Variants in DAAM1 observed in about 807,000 individuals in gnomAD.
DAAM1 encodes disheveled-associated activator of morphogenesis 1.
DAAM1 carries 52 observed loss-of-function variants against 130.0 expected under a neutral mutation model. That is an observed-to-expected ratio of 0.40 (90% CI 0.32 to 0.50). The LOEUF (loss-of-function observed/expected upper bound fraction) is 0.50, where lower values mean the gene tolerates loss of function less well. Among genes scored for constraint, DAAM1 ranks in the 20% least tolerant of loss-of-function variants. The pLI, the probability that DAAM1 is intolerant of heterozygous loss-of-function variation, is 0.61. For synonymous variants in DAAM1, 452 were observed against 444.5 expected, an observed-to-expected ratio of 1.02 and a Z score of -0.21; for missense variants, 1,134 against 1,303.8, an observed-to-expected ratio of 0.87 and a Z score of 2.01.
At chr14:59,205,079 A>G (rs1888220744) in intron 1 of DAAM1, among the ~76,000 whole-genome samples, 1 of 152,352 alleles carries the variant, frequency 6.6e-6, no homozygotes, top group South Asian at 2.1e-4. Context: ...AGAGAAACTA[A>G]TACAACTAGT....
Position 59,233,401 on chromosome 14 carries a change from T to A in DAAM1, c.-37-30040T>A, listed in dbSNP as rs773142212. Among the ~76,000 whole-genome samples, 2 of 151,180 alleles carry A rather than the reference T, an allele frequency of 1.3e-5. 1 individual carries two copies. Among genetic ancestry groups the A allele is most frequent in the South Asian group, 4.2e-4 (2 of 4,818 alleles). ...TCTCTAATGATCAGTGATGATGAGATTTTTTTCCTATATTTGTTGGCTGCA... is the reference window on the plus strand; with the variant it reads ...TCTCTAATGATCAGTGATGATGAGAATTTTTTCCTATATTTGTTGGCTGCA... On this transcript the variant is annotated intron_variant, in intron 1 of 24. Transcript: ENST00000360909.
At chr14:59,299,504 G>A in intron 3 of DAAM1, among the ~76,000 whole-genome samples, 1 of 152,156 alleles carries the variant, frequency 6.6e-6, no homozygotes, top group Middle Eastern at 3.2e-3. Flanking sequence ...AGTATGAACT[G>A]AGTTTCTGCT....
rs189671351 is a variant in DAAM1 at position 59,364,428 on chromosome 14, A to T, written c.2826+646A>T. On this transcript the variant is annotated intron_variant, in intron 23 of 24. Coordinates refer to ENST00000360909, the MANE Select transcript of DAAM1 (RefSeq NM_001270520.2). ...AAATTTTTGTTGGTTAATAACCACC[A>T]CCTCTTAGCTCCCTCAGCTTCACCT... 4.4e-3 allele frequency among the ~76,000 whole-genome samples: 672 copies of T among 151,938 alleles called. 2 individuals are homozygous for T. Among genetic ancestry groups the T allele is most frequent in the African/African-American group, 0.015 (633 of 41,404 alleles).
chr14:59,289,649 A>C (rs1269892943), intron 2 of DAAM1, among the ~76,000 whole-genome samples: 1 of 151,748 alleles, frequency 6.6e-6, no homozygotes. Flanking sequence ...AAAGCAAAAT[A>C]AATTGTTCTC....
intron 3 of DAAM1, among the ~76,000 whole-genome samples, chr14:59,306,233 G>A (rs1884377780): frequency 6.6e-6 from 1 of 152,218 alleles, no homozygotes; most frequent in South Asian, 2.1e-4. Context: ...AAATGTGTAA[G>A]TCTAGGAACT....
At position 59,199,488 on chromosome 14, in the gene DAAM1, T is replaced by C. The variant is rs910793673; in HGVS notation, c.-38+10720T>C. On this transcript the variant is annotated intron_variant, in intron 1 of 24. Transcript: ENST00000360909. The stretch of plus-strand genomic sequence containing the variant: ...ATGTTTTGCTTGGCCAGCACAGTAT[T>C]ATTTTTAAAAAGGAGTGATATTTTA... Among the ~76,000 whole-genome samples the C allele has an allele frequency of 3.9e-5, 6 of 152,182 alleles. No individual in the cohort carries two copies. In the East Asian group the frequency reaches 7.7e-4, roughly 20 times the overall value.
intron 1 of DAAM1, among the ~76,000 whole-genome samples, chr14:59,206,704 T>G (rs1267695309): frequency 2.6e-5 from 4 of 152,220 alleles, no homozygotes; most frequent in Admixed American, 2.6e-4. Flanking sequence ...GATCAAACTA[T>G]TTTGAGGAGG....
At position 59,340,064 on chromosome 14, in the gene DAAM1, C is replaced by A. The variant is rs773345518; in HGVS notation, c.1969-10C>A. The A allele has an allele frequency of 2.5e-6, 4 of 1,610,358 alleles. No homozygotes were observed. Among genetic ancestry groups the A allele is most frequent in the Non-Finnish European group, 2.5e-6 (3 of 1,177,336 alleles). On this transcript the variant is annotated splice_polypyrimidine_tract_variant and intron_variant, in intron 15 of 24. Transcript: ENST00000360909. ...TGGACTTTGATGGATTTCTTTCATG[C>A]TCTTTACAGAAAGAAGCAGATGCCA...
chr14:59,249,300 G>A (rs759928989), intron 1 of DAAM1, among the ~76,000 whole-genome samples: 33 of 152,294 alleles, frequency 2.2e-4, no homozygotes, highest in Non-Finnish European at 4.1e-4. Context: ...TCCTTGTCCT[G>A]GGAGCCCTGT....
chr14:59,296,609 C>T (rs555121749), intron 3 of DAAM1, among the ~76,000 whole-genome samples: 3 of 152,222 alleles, frequency 2.0e-5, no homozygotes, highest in African/African-American at 7.2e-5. Flanking sequence ...AAGGAGAAAC[C>T]AACCTCTAGG....
intron 1 of DAAM1, among the ~76,000 whole-genome samples, chr14:59,218,180 A>G (rs1242087556): frequency 6.6e-6 from 1 of 152,188 alleles, no homozygotes; most frequent in East Asian, 1.9e-4. Flanking sequence ...CAAACTAGCC[A>G]TCTCATATGT....
intron 11 of DAAM1, 129 bp downstream of exon 11, chr14:59,326,777 A>G: frequency 6.6e-7 from 1 of 1,505,634 alleles, no homozygotes; most frequent in Non-Finnish European, 9.0e-7. Flanking sequence ...TACTGTACAC[A>G]TGCACTATAG....
chr14:59,337,277 T>C (rs563179662), intron 15 of DAAM1, among the ~76,000 whole-genome samples: 1 of 152,354 alleles, frequency 6.6e-6, no homozygotes, highest in South Asian at 2.1e-4. Context: ...TTGGCAGTTA[T>C]AACAGAGACA....
In DAAM1 at chr14:59,242,128, A is replaced by C. The variant is rs1460333616; in HGVS notation, c.-37-21313A>C. On this transcript the variant is annotated intron_variant, in intron 1 of 24. Transcript: ENST00000360909. Reference sequence around the variant, plus strand: ...CTTAACTAAAGTCACAGAGCTACTAAGAGGAACAGAGTTGGGACTAGAGCC... The same window carrying C: ...CTTAACTAAAGTCACAGAGCTACTACGAGGAACAGAGTTGGGACTAGAGCC... 2.0e-5 allele frequency among the ~76,000 whole-genome samples: 3 copies of C among 152,214 alleles called. No individual in the cohort carries two copies. In the South Asian group the frequency reaches 6.2e-4, roughly 32 times the overall value.
Position 59,353,907 on chromosome 14 carries a change from C to A in DAAM1, c.2299C>A (p.Leu767Met). The change falls in exon 19 of 25, where the codon CTG becomes ATG. Residue 767 changes from leucine (L) to methionine (M), a missense_variant. Physicochemically the swap from Leu to Met is conservative, Grantham distance 15 (BLOSUM62 2). This residue lies in a region of DAAM1 where 644 missense variants were observed against 695.9 expected (regional missense o/e 0.93). Transcript: ENST00000360909. Reference protein sequence around the residue: ...INHYQQRLQSLYFKKKFAERV... With the variant: ...INHYQQRLQSMYFKKKFAERV... The stretch of plus-strand genomic sequence containing the variant: ...TCACTATCAGCAAAGGTTGCAATCG[C>A]TGTACTTCAAAAAGAAGTTTGCAGA... The A allele has an allele frequency of 6.2e-7, 1 of 1,614,058 alleles. No homozygotes were observed. The highest frequency in any genetic ancestry group is 8.5e-7 in the Non-Finnish European group (1 of 1,179,982).
intron 1 of DAAM1, among the ~76,000 whole-genome samples, chr14:59,234,769 A>T (rs1374877783): frequency 6.6e-6 from 1 of 152,152 alleles, no homozygotes; most frequent in Non-Finnish European, 1.5e-5. Flanking sequence ...GTTTGTCATA[A>T]ATAGCTGTTG....
At chr14:59,231,730 G>A (rs939177687) in intron 1 of DAAM1, among the ~76,000 whole-genome samples, 2 of 152,120 alleles carry the variant, frequency 1.3e-5, no homozygotes, top group African/African-American at 4.8e-5. Flanking sequence ...GAATCCATTG[G>A]AAGAACTCAG....
intron 1 of DAAM1, among the ~76,000 whole-genome samples, chr14:59,244,124 C>T (rs193003593): frequency 1.1e-3 from 168 of 152,170 alleles, no homozygotes; most frequent in African/African-American, 3.8e-3. Flanking sequence ...GGGTGATTTC[C>T]GCTTTCACTT....
At chr14:59,226,627 A>G (rs985973473) in intron 1 of DAAM1, among the ~76,000 whole-genome samples, 2 of 152,216 alleles carry the variant, frequency 1.3e-5, no homozygotes, top group Non-Finnish European at 2.9e-5. Context: ...TAGGCAGGCA[A>G]AAACAACAAC....
Sources: gnomAD v4.1 joint callset for allele counts (sites outside exome capture counted in the v4.1 genomes callset) on GRCh38, gnomAD v4.1.1 for gene constraint, gnomAD v4.1.1 regional missense constraint, MANE v1.5 for transcripts, NCBI Gene and HGNC (gene_info 2026-07-23, HGNC 2026-07-21) for gene names.